The following SNTG1 variants were observed in gnomAD, a reference collection of about 807,000 sequenced individuals.
The protein encoded by SNTG1 is gamma-1-syntrophin.
SNTG1 carries 39 observed loss-of-function variants against 74.7 expected under a neutral mutation model. That is an observed-to-expected ratio of 0.52 (90% CI 0.40 to 0.68). The LOEUF is 0.68. Among genes scored for constraint, SNTG1 ranks in the 30% least tolerant of loss-of-function variants. SNTG1 has a pLI of 0.00. For synonymous variants in SNTG1, 254 were observed against 217.1 expected, an observed-to-expected ratio of 1.17 and a Z score of -1.49; for missense variants, 685 against 609.5, an observed-to-expected ratio of 1.12 and a Z score of -1.30.
chr8:50,087,775 T>G, intron 1 of SNTG1, among the ~76,000 whole-genome samples: 1 of 151,954 alleles, frequency 6.6e-6, no homozygotes, highest in African/African-American at 2.4e-5. Context: ...TTTATTTATT[T>G]TTTATTTATT....
intron 15 of SNTG1, among the ~76,000 whole-genome samples, chr8:50,663,805 G>A (rs945352038): frequency 6.6e-6 from 1 of 151,918 alleles, no homozygotes; most frequent in African/African-American, 2.4e-5. Flanking sequence ...CTCACTTTTA[G>A]GAGATGATCC....
At chr8:50,706,085 T>C (rs1382672171) in intron 16 of SNTG1, among the ~76,000 whole-genome samples, 1 of 152,168 alleles carries the variant, frequency 6.6e-6, no homozygotes, top group Non-Finnish European at 1.5e-5. Flanking sequence ...AATCAACACA[T>C]CAAGTTGTAC....
chr8:50,014,388 G>C (rs1049181998), intron 1 of SNTG1, among the ~76,000 whole-genome samples: 11 of 151,926 alleles, frequency 7.2e-5, no homozygotes, highest in Admixed American at 1.3e-4. Flanking sequence ...AGTCACCTAG[G>C]GCTGTGATTT....
At chr8:50,491,284 A>C (rs2093850698) in intron 8 of SNTG1, 1 of 152,338 alleles carries the variant, frequency 6.6e-6, no homozygotes, top group Non-Finnish European at 1.5e-5. Flanking sequence ...CCTTAGAAAG[A>C]ATGACATATT....
chr8:50,375,510 G>A (rs2092359948), intron 2 of SNTG1, among the ~76,000 whole-genome samples: 1 of 152,122 alleles, frequency 6.6e-6, no homozygotes. Flanking sequence ...GCATGAGTGT[G>A]AATGAGGTGA....
intron 18 of SNTG1, among the ~76,000 whole-genome samples, chr8:50,786,371 A>T (rs1487538191): frequency 6.6e-6 from 1 of 152,024 alleles, no homozygotes; most frequent in Non-Finnish European, 1.5e-5. Flanking sequence ...AGAAGATTTA[A>T]ATAAGGGGAG....
chr8:50,207,113 A>C (rs559947105), intron 2 of SNTG1, among the ~76,000 whole-genome samples: 1 of 151,974 alleles, frequency 6.6e-6, no homozygotes, highest in Non-Finnish European at 1.5e-5. Context: ...CTCTTTTTCT[A>C]TTGATTGGAT....
chr8:50,428,257 T>A (rs1263238890), intron 4 of SNTG1, among the ~76,000 whole-genome samples: 3 of 152,032 alleles, frequency 2.0e-5, no homozygotes, highest in African/African-American at 7.2e-5. Flanking sequence ...TTACAATGAG[T>A]TATAATGAAG....
intron 16 of SNTG1, chr8:50,707,763 G>A (rs2095448306): frequency 7.2e-6 from 2 of 278,034 alleles, no homozygotes; most frequent in Non-Finnish European, 1.3e-5. Flanking sequence ...TTTCATGATT[G>A]GAATATCCCA....
At chr8:50,216,590 T>A (rs1419674087) in intron 2 of SNTG1, among the ~76,000 whole-genome samples, 1 of 152,174 alleles carries the variant, frequency 6.6e-6, no homozygotes, top group African/African-American at 2.4e-5. Context: ...TTAGATTTTA[T>A]CTGAAGGGGT....
intron 2 of SNTG1, among the ~76,000 whole-genome samples, chr8:50,313,776 T>C (rs1408379192): frequency 2.0e-5 from 3 of 149,968 alleles, no homozygotes; most frequent in African/African-American, 5.0e-5. Context: ...TAAAAAACAA[T>C]GTAAAGAATT....
chr8:50,288,073 T>G lies in SNTG1; in HGVS notation c.-27-106139T>G, dbSNP rs1261440375. Among the ~76,000 whole-genome samples, 7 of 152,292 alleles carry G rather than the reference T, an allele frequency of 4.6e-5. No individual in the cohort carries two copies. In the East Asian group the frequency reaches 1.4e-3, roughly 29 times the overall value. On this transcript the variant is annotated intron_variant, in intron 2 of 18. Transcript: ENST00000642720. ...TAAGTTATTTACAAAAATACCAGGA[T>G]GCACTCACTTATTCATATTTGTATT... is the stretch of plus-strand genomic sequence containing the variant.
intron 2 of SNTG1, among the ~76,000 whole-genome samples, chr8:50,243,106 T>G (rs2086237743): frequency 6.6e-6 from 1 of 152,156 alleles, no homozygotes; most frequent in African/African-American, 2.4e-5. Context: ...ACAAAAAACA[T>G]GTATCTATGA....
intron 9 of SNTG1, among the ~76,000 whole-genome samples, chr8:50,526,554 A>T (rs1173697268): frequency 6.6e-6 from 1 of 152,092 alleles, no homozygotes; most frequent in African/African-American, 2.4e-5. Flanking sequence ...GCAAGGTCTG[A>T]GGTTTCTATT....
chr8:50,541,892 A>G (rs2094349943), intron 11 of SNTG1, among the ~76,000 whole-genome samples: 1 of 151,850 alleles, frequency 6.6e-6, no homozygotes, highest in Admixed American at 6.6e-5. Context: ...TTTAGCTCCC[A>G]CTTAAATATG....
rs990374253 is a variant in SNTG1, at chr8:50,332,615, A to G, written c.-27-61597A>G. ...GATCTCCCTGATGGAATCAGCTCTT[A>G]AGTTGAGATCTGACACCATCTTATA... On this transcript the variant is annotated intron_variant, in intron 2 of 18. Transcript: ENST00000642720. 1.6e-4 allele frequency among the ~76,000 whole-genome samples: 25 copies of G among 152,254 alleles called. 1 individual carries two copies. The highest frequency in any genetic ancestry group is 5.8e-4 in the African/African-American group (24 of 41,558).
chr8:50,650,339 C>T (rs1478617639), intron 13 of SNTG1, among the ~76,000 whole-genome samples: 1 of 151,998 alleles, frequency 6.6e-6, no homozygotes, highest in Non-Finnish European at 1.5e-5. Context: ...ATTTAGACCT[C>T]ATATAAAGAA....
At chr8:50,595,822 G>T (rs1407280392) in intron 13 of SNTG1, among the ~76,000 whole-genome samples, 1 of 151,712 alleles carries the variant, frequency 6.6e-6, no homozygotes, top group Non-Finnish European at 1.5e-5. Context: ...TTCTAATGCT[G>T]GGTAGTATTT....
intron 17 of SNTG1, among the ~76,000 whole-genome samples, chr8:50,748,605 C>A (rs760684852): frequency 2.0e-5 from 3 of 152,016 alleles, no homozygotes; most frequent in Non-Finnish European, 4.4e-5. Flanking sequence ...AGGTTTGTGG[C>A]AACCCTGCAT....
Sources: gnomAD v4.1 joint callset for allele counts (sites outside exome capture counted in the v4.1 genomes callset) on GRCh38, gnomAD v4.1.1 for gene constraint, MANE v1.5 for transcripts, NCBI Gene and HGNC (gene_info 2026-07-23, HGNC 2026-07-21) for gene names.